The following TTN variants were observed in gnomAD, a reference collection of about 807,000 sequenced individuals.
The protein encoded by TTN is connectin.
In TTN, 1,525 loss-of-function variants were observed where a neutral mutation model predicts 3,223.0. The ratio of observed to expected loss-of-function variants is 0.47; its 90% CI spans 0.45 to 0.49. The LOEUF (loss-of-function observed/expected upper bound fraction) is 0.49. TTN is among the 20% of genes least tolerant of loss of function. The pLI is 0.00. For missense variants in TTN, 40,786 were observed against 43,424.0 expected (o/e 0.94, Z 5.40); for synonymous variants, 14,094 against 15,161.0 (o/e 0.93, Z 5.17).
At chr2:178,790,923 G>A (rs2093455706) in intron 10 of TTN, 78 bp from the exon 11 acceptor site, 9 of 1,540,302 alleles carry the variant, frequency 5.8e-6, no homozygotes, top group Non-Finnish European at 7.1e-6. Flanking sequence ...AAACACTCAG[G>A]AAAATACAGG....
In TTN at chr2:178,553,781, T is replaced by C; in HGVS notation, c.89224A>G (p.Arg29742Gly). 1 of 1,603,022 alleles carries C rather than the reference T, an allele frequency of 6.2e-7. No individual in the cohort carries two copies. The highest frequency in any genetic ancestry group is 8.5e-7 in the Non-Finnish European group (1 of 1,173,394). The part of the protein sequence containing the change: ...IDPPGPPAKI[R>G]IADSTKSSIT... ...GATGACTTGGTTGAATCTGCGATTC[T>C]TATCTTAGCAGGTGGACCTGGAGGA... The change falls in exon 334 of 363, where the codon AGA becomes GGA. Residue 29742 changes from arginine to glycine, a missense_variant. Arg to Gly is a moderately radical substitution (Grantham distance 125). Transcript: ENST00000589042.
In TTN at chr2:178,539,917, T is replaced by C. The variant is rs374846500; in HGVS notation, c.98148A>G (p.Val32716=). 2 of 1,613,708 alleles carry C rather than the reference T, an allele frequency of 1.2e-6. No individual in the cohort carries two copies. The highest frequency in any genetic ancestry group is 2.7e-5 in the African/African-American group (2 of 74,924). Residue 32716 remains valine (V), a synonymous_variant, in exon 352 of 363, where the codon GTA becomes GTG. Coordinates refer to ENST00000589042, the MANE Select transcript of TTN (RefSeq NM_001267550.2). Reference sequence around the variant, plus strand: ...TAAGTCTGATGACGCCACCTTGCCTTACAAAGATACCTTCTTGGTATCTTT... The same window carrying C: ...TAAGTCTGATGACGCCACCTTGCCTCACAAAGATACCTTCTTGGTATCTTT... The part of the protein sequence containing the change: ...LDERYQEGIF[V]RQGGVIRLTI...
At position 178,560,941 on chromosome 2, in the gene TTN, T is replaced by G; in HGVS notation, c.85191A>C (p.Glu28397Asp). ...TTTCTGTTCTTGCTCTTTCTTCAATTTCTATACCATCCTTGGCCCAGGAAA... is the reference window on the plus strand; with the variant it reads ...TTTCTGTTCTTGCTCTTTCTTCAATGTCTATACCATCCTTGGCCCAGGAAA... ...PVISWAKDGI[E>D]IEERARTEII... is the part of the protein sequence containing the mutation. The change falls in exon 326 of 363, where the codon GAA becomes GAC. Residue 28397 changes from glutamate to aspartate, a missense_variant. Transcript: ENST00000589042. The G allele has an allele frequency of 1.2e-6, 2 of 1,613,836 alleles. No homozygotes were observed. Among genetic ancestry groups the G allele is most frequent in the Non-Finnish European group, 1.7e-6 (2 of 1,179,802 alleles).
rs969965309 is a variant in TTN, at chr2:178,706,873, C to G, written c.29123G>C (p.Arg9708Thr). ...LFFVSEPQSI[R>T]VVEKTTATFI... is the part of the protein sequence containing the mutation. Reference sequence around the variant, plus strand: ...TGAAGTGCACTTACTTTCTACGACTCTGATACTCTGAGGTTCTGACACAAA... The same window carrying G: ...TGAAGTGCACTTACTTTCTACGACTGTGATACTCTGAGGTTCTGACACAAA... Residue 9708 changes from arginine to threonine, a missense_variant, in exon 101 of 363, where the codon AGA (arginine) becomes ACA (threonine). By Grantham distance (71) the Arg-to-Thr change is moderately conservative. Transcript: ENST00000589042. The G allele has an allele frequency of 2.5e-6, 4 of 1,612,096 alleles. No individual in the cohort carries two copies. Among genetic ancestry groups the G allele is most frequent in the Non-Finnish European group, 3.4e-6 (4 of 1,179,024 alleles).
chr2:178,717,035 C>T (rs751525080), intron 88 of TTN, 60 bp downstream of exon 88: 2 of 1,530,490 alleles, frequency 1.3e-6, no homozygotes, highest in East Asian at 2.3e-5. Context: ...CACCCACCCT[C>T]CTATATTTTA....
At chr2:178,793,081 A>G (rs2154355202) in intron 9 of TTN, among the ~76,000 whole-genome samples, 1 of 152,110 alleles carries the variant, frequency 6.6e-6, no homozygotes, top group South Asian at 2.1e-4. Context: ...CTCAGCATCT[A>G]TTTCTTCCTC....
rs764203042 is a variant in TTN at position 178,614,733 on chromosome 2, C to T, written c.48781G>A (p.Asp16261Asn). ...GTGAGACCAGCAAGGAGCTTCACAT[C>T]GAGGAAGATTTCTGGGGCCTCTGAA... Reference protein sequence around the residue: ...DTQEAPEIFLDVKLLAGLTVK... With the variant: ...DTQEAPEIFLNVKLLAGLTVK... The change falls in exon 261 of 363, where the codon GAT (aspartate) becomes AAT (asparagine). Residue 16261 changes from aspartate (D) to asparagine (N), a missense_variant. By Grantham distance (23) the Asp-to-Asn change is conservative (BLOSUM62 1). Transcript: ENST00000589042. The T allele has an allele frequency of 2.2e-5, 36 of 1,607,810 alleles. No homozygotes were observed. In the South Asian group the frequency reaches 3.0e-4, roughly 13 times the overall value.
chr2:178,764,799 G>A lies in TTN; in HGVS notation c.9716C>T (p.Pro3239Leu). 1 of 1,613,202 alleles carries A rather than the reference G, an allele frequency of 6.2e-7. No homozygotes were observed. Among genetic ancestry groups the A allele is most frequent in the Non-Finnish European group, 8.5e-7 (1 of 1,179,854 alleles). The change falls in exon 42 of 363, where the codon CCC (proline) becomes CTC (leucine). Residue 3239 changes from proline to leucine, a missense_variant. Physicochemically the swap from Pro to Leu is moderately conservative, Grantham distance 98 (BLOSUM62 -3). Coordinates refer to ENST00000589042, the MANE Select transcript of TTN (RefSeq NM_001267550.2). ...VTLYVNAPEP[P>L]QVLQELQPVT... Reference sequence around the variant, plus strand: ...AGGCTGGAGCTCCTGCAGAACTTGGGGCGGTTCAGGAGCTAGGAGTAAATG... The same window carrying A: ...AGGCTGGAGCTCCTGCAGAACTTGGAGCGGTTCAGGAGCTAGGAGTAAATG...
Position 178,589,675 on chromosome 2 carries a change from A to C in TTN, c.62050T>G (p.Phe20684Val), listed in dbSNP as rs2049802658. ...GGCCTCCGCCACTTTAGATAGACAA[A>C]TGTCTTTCCTTTATCTGCAATGTGA... is the stretch of plus-strand genomic sequence containing the variant. ...NLHIADKGKT[F>V]VYLKWRRPDY... is the part of the protein sequence containing the mutation. Residue 20684 changes from phenylalanine (F) to valine (V), a missense_variant, in exon 304 of 363, where the codon TTT becomes GTT. Phe to Val is a conservative substitution (Grantham distance 50). Transcript: ENST00000589042. 6.2e-7 allele frequency: 1 copy of C among 1,613,366 alleles called. No individual in the cohort carries two copies. Among genetic ancestry groups the C allele is most frequent in the African/African-American group, 1.3e-5 (1 of 74,886 alleles).
intron 205 of TTN, 52 bp from the exon 206 acceptor site, chr2:178,651,801 C>A: frequency 1.2e-6 from 2 of 1,606,130 alleles, no homozygotes; most frequent in South Asian, 1.1e-5. Context: ...AGAAACAAGA[C>A]AAAAGCTCAG....
At position 178,605,688 on chromosome 2, in the gene TTN, G is replaced by A; in HGVS notation, c.53607C>T (p.Leu17869=). Reference sequence around the variant, plus strand: ...TGGACTTTGTCCTTTCAGTGTATGTGAGCCTCTCTGGAGATGTTGGAGGAC... The same window carrying A: ...TGGACTTTGTCCTTTCAGTGTATGTAAGCCTCTCTGGAGATGTTGGAGGAC... ...PLGPPTSPER[L]TYTERTKSTI... is the part of the protein sequence containing the mutation. Residue 17869 remains leucine, a synonymous_variant, in exon 279 of 363, where the codon CTC becomes CTT. Transcript: ENST00000589042. 6.3e-7 allele frequency: 1 copy of A among 1,582,472 alleles called. No individual in the cohort carries two copies. The highest frequency in any genetic ancestry group is 8.6e-7 in the Non-Finnish European group (1 of 1,161,634).
At chr2:178,751,668 A>G (rs1466575071) in intron 47 of TTN, 1 of 1,613,274 alleles carries the variant, frequency 6.2e-7, no homozygotes, top group East Asian at 2.2e-5. Context: ...AGTAACCTAT[A>G]ACTTCCAGAA....
In TTN at chr2:178,671,110, C is replaced by T. The variant is rs758003144; in HGVS notation, c.35288G>A (p.Arg11763Gln). 1.6e-5 allele frequency: 26 copies of T among 1,604,966 alleles called. No individual in the cohort carries two copies. The highest frequency in any genetic ancestry group is 3.4e-5 in the Admixed American group (2 of 58,588). Reference protein sequence around the residue: ...PKKPPTKVVPRKEPPAKVPEV... With the variant: ...PKKPPTKVVPQKEPPAKVPEV... ...GATACCTTTAGCTGGTGGCTCTTTT[C>T]GAGGAACAACTTTAGTGGGCGGTTT... The change falls in exon 156 of 363, where the codon CGA (arginine) becomes CAA (glutamine). Residue 11763 changes from arginine to glutamine, a missense_variant. Transcript: ENST00000589042.
intron 348 of TTN, 35 bp downstream of exon 348, chr2:178,542,627 A>G (rs770452286): frequency 6.2e-7 from 1 of 1,600,028 alleles, no homozygotes; most frequent in Non-Finnish European, 8.5e-7. Flanking sequence ...GTGACTGAAC[A>G]TCAACTTGCT....
Position 178,718,469 on chromosome 2 carries a change from G to A in TTN, c.24637C>T (p.Gln8213Ter), listed in dbSNP as rs2077833271. Residue 8213 changes from glutamine to a stop codon, truncating the protein, a stop_gained, in exon 85 of 363, where the codon CAA becomes TAA. Transcript: ENST00000589042. LOFTEE classifies it high-confidence loss of function. ...SWIKDEYLIS[Q>*]SERCSITMTE... ...ATAGTAATACTGCATCTCTCAGATT[G>A]TGAAATAAGATACTCGTCCTTTATC... 1 of 1,613,630 alleles carries A rather than the reference G, an allele frequency of 6.2e-7. No individual in the cohort carries two copies. The highest frequency in any genetic ancestry group is 8.5e-7 in the Non-Finnish European group (1 of 1,179,750).
chr2:178,576,411 G>A lies in TTN; in HGVS notation c.69721C>T (p.Pro23241Ser). Residue 23241 changes from proline (P) to serine (S), a missense_variant, in exon 326 of 363, where the codon CCA becomes TCA. Pro to Ser is a moderately conservative substitution (Grantham distance 74, BLOSUM62 -1). Transcript: ENST00000589042. This position sits in a 1 kb window ranked among gnomAD's most constrained non-coding sequence, Gnocchi z 4.3. ...SVLMKDAAYP[P>S]GPPSNPHVTD... ...ACATGCGGATTTGAAGGTGGTCCTGGAGGATCTGAGAAAGAAACAAAGACA... is the reference window on the plus strand; with the variant it reads ...ACATGCGGATTTGAAGGTGGTCCTGAAGGATCTGAGAAAGAAACAAAGACA... The A allele has an allele frequency of 6.4e-7, 1 of 1,574,474 alleles. No individual in the cohort carries two copies. The highest frequency in any genetic ancestry group is 1.4e-5 in the African/African-American group (1 of 72,542).
intron 193 of TTN, 45 bp downstream of exon 193, chr2:178,654,163 G>T: frequency 6.3e-7 from 1 of 1,587,818 alleles, no homozygotes; most frequent in Non-Finnish European, 8.5e-7. Flanking sequence ...ATTGTGAGGG[G>T]TACAGACAGT....
intron 106 of TTN, 141 bp from the exon 107 acceptor site, chr2:178,702,804 A>G: frequency 2.5e-6 from 2 of 785,494 alleles, no homozygotes; most frequent in Non-Finnish European, 3.9e-6. Context: ...CCAAAATGAG[A>G]AGAAATGCAC....
At position 178,539,211 on chromosome 2, in the gene TTN, A is replaced by G. The variant is rs373134359; in HGVS notation, c.98724T>C (p.Asp32908=). The change falls in exon 353 of 363, where the codon GAT becomes GAC. Residue 32908 remains aspartate (D), a synonymous_variant. Transcript: ENST00000589042. ...ACAAGCTAACAGAACTCTTGGTTAC[A>G]TCGAGTACTTCTGGAGGATTGCTTG... The part of the protein sequence containing the change: ...EPPSNPPEVL[D]VTKSSVSLSW... The G allele has an allele frequency of 1.9e-6, 3 of 1,613,812 alleles. No individual in the cohort carries two copies. Among genetic ancestry groups the G allele is most frequent in the Admixed American group, 3.3e-5 (2 of 60,012 alleles).
Sources: gnomAD v4.1 joint callset for allele counts (sites outside exome capture counted in the v4.1 genomes callset) on GRCh38, gnomAD v4.1.1 for gene constraint, Gnocchi (gnomAD v3.1) non-coding constraint, MANE v1.5 for transcripts, NCBI Gene and HGNC (gene_info 2026-07-23, HGNC 2026-07-21) for gene names.